Variants in CDH13 observed in about 807,000 individuals in gnomAD.
The protein encoded by CDH13 is cadherin-13.
In CDH13, 24 loss-of-function variants were observed where a neutral mutation model predicts 63.8. That is an observed-to-expected ratio of 0.38 (90% CI 0.27 to 0.53). The LOEUF is 0.53. CDH13 is among the 20% of genes least tolerant of loss of function. CDH13 has a pLI of 0.85. For synonymous variants in CDH13, 503 were observed against 355.3 expected, an observed-to-expected ratio of 1.42 and a Z score of -4.67; for missense variants, 1,049 against 903.1, an observed-to-expected ratio of 1.16 and a Z score of -2.07.
intron 6 of CDH13, among the ~76,000 whole-genome samples, chr16:83,416,377 A>C: frequency 6.6e-6 from 1 of 152,226 alleles, no homozygotes; most frequent in East Asian, 1.9e-4. Flanking sequence ...TTACAGAAAT[A>C]GGAAACTCAG....
At chr16:82,918,780 G>A (rs2042070417) in intron 2 of CDH13, among the ~76,000 whole-genome samples, 1 of 152,076 alleles carries the variant, frequency 6.6e-6, no homozygotes, top group Non-Finnish European at 1.5e-5. Flanking sequence ...ACAAAATGCT[G>A]CTATTATGGG....
chr16:83,402,570 G>T (rs2091984291), intron 6 of CDH13, among the ~76,000 whole-genome samples: 1 of 152,182 alleles, frequency 6.6e-6, no homozygotes, highest in African/African-American at 2.4e-5. Flanking sequence ...AGGATAGTCA[G>T]TTTGGCATGA....
intron 10 of CDH13, among the ~76,000 whole-genome samples, chr16:83,680,317 A>G (rs1156385324): frequency 2.0e-5 from 3 of 152,168 alleles, no homozygotes; most frequent in Admixed American, 6.5e-5. Context: ...CACCTTGGCT[A>G]GTGATCAACC....
intron 11 of CDH13, among the ~76,000 whole-genome samples, chr16:83,749,110 T>C (rs1912859788): frequency 6.6e-6 from 1 of 152,218 alleles, no homozygotes; most frequent in Non-Finnish European, 1.5e-5. Context: ...ATTGTGTCAA[T>C]CACACAAGAA....
intron 2 of CDH13, among the ~76,000 whole-genome samples, chr16:82,966,723 A>G (rs1328476383): frequency 6.6e-6 from 1 of 152,224 alleles, no homozygotes; most frequent in Non-Finnish European, 1.5e-5. Flanking sequence ...TTAACATATT[A>G]TCACATTTAC....
At chr16:83,303,746 C>T (rs1480266366) in intron 5 of CDH13, among the ~76,000 whole-genome samples, 2 of 152,170 alleles carry the variant, frequency 1.3e-5, no homozygotes, top group Non-Finnish European at 2.9e-5. Context: ...GCTACTGCTT[C>T]AGTTTAGCAT....
rs1444840759 is a variant in CDH13 at position 83,202,674 on chromosome 16, T to C, written c.484-14671T>C. 3.3e-5 allele frequency among the ~76,000 whole-genome samples: 5 copies of C among 152,202 alleles called. No individual in the cohort carries two copies. The South Asian group carries it at 8.3e-4, about 25-fold the overall frequency. ...ATAATAAGAGTAAGTGTTAAAACTCTCAGGGAAAGGGCAGTCAACGTGAAT... is the reference window on the plus strand; with the variant it reads ...ATAATAAGAGTAAGTGTTAAAACTCCCAGGGAAAGGGCAGTCAACGTGAAT... On this transcript the variant is annotated intron_variant, in intron 4 of 13. Coordinates refer to ENST00000567109, the MANE Select transcript of CDH13 (RefSeq NM_001257.5).
chr16:83,523,823 AC>A (rs1276068678), intron 7 of CDH13, among the ~76,000 whole-genome samples: 1 of 152,190 alleles, frequency 6.6e-6, no homozygotes, highest in African/African-American at 2.4e-5. Context: ...CCCATTTCAA[AC>A]ACTTCAGTCC....
chr16:83,529,365 A>G (rs2075033247), intron 7 of CDH13, among the ~76,000 whole-genome samples: 1 of 152,146 alleles, frequency 6.6e-6, no homozygotes, highest in Non-Finnish European at 1.5e-5. Flanking sequence ...AAACCTTAAT[A>G]TTTGAGTTTA....
intron 5 of CDH13, among the ~76,000 whole-genome samples, chr16:83,254,913 A>C (rs1471280480): frequency 7.8e-6 from 1 of 128,528 alleles, no homozygotes; most frequent in Non-Finnish European, 1.7e-5. Flanking sequence ...CTGTCTAAAA[A>C]CAAGAGACAA....
intron 10 of CDH13, among the ~76,000 whole-genome samples, chr16:83,714,491 G>A (rs72797282): frequency 0.1 from 15,805 of 152,190 alleles, 1,048 homozygotes; most frequent in Non-Finnish European, 0.15. Context: ...AACTGTTTCT[G>A]CCCCACAAAG....
intron 1 of CDH13, among the ~76,000 whole-genome samples, chr16:82,631,884 G>T (rs1339734152): frequency 6.6e-6 from 1 of 152,134 alleles, no homozygotes; most frequent in Non-Finnish European, 1.5e-5. Flanking sequence ...TGAACCTCGA[G>T]ACATCTGCTT....
intron 2 of CDH13, among the ~76,000 whole-genome samples, chr16:82,907,697 A>C (rs2041694865): frequency 6.6e-6 from 1 of 152,184 alleles, no homozygotes; most frequent in Non-Finnish European, 1.5e-5. Context: ...AGGTTCCCGG[A>C]ACAGCCACTT....
chr16:82,853,121 G>C (rs2039559750), intron 1 of CDH13, among the ~76,000 whole-genome samples: 1 of 152,184 alleles, frequency 6.6e-6, no homozygotes, highest in African/African-American at 2.4e-5. Context: ...ATGGAAGAGA[G>C]ATCTCTGAGC....
At chr16:83,445,994 T>G (rs1481920633) in intron 6 of CDH13, among the ~76,000 whole-genome samples, 1 of 152,048 alleles carries the variant, frequency 6.6e-6, no homozygotes, top group African/African-American at 2.4e-5. Flanking sequence ...ACTTTTTTAT[T>G]GGGTATAGAA....
intron 10 of CDH13, chr16:83,717,831 T>C (rs1008242073): frequency 1.3e-5 from 2 of 152,212 alleles, no homozygotes; most frequent in African/African-American, 4.8e-5. Context: ...AGGACACCTT[T>C]CCCTGGATTT....
At chr16:82,949,494 G>T (rs1028659851) in intron 2 of CDH13, among the ~76,000 whole-genome samples, 1 of 152,112 alleles carries the variant, frequency 6.6e-6, no homozygotes, top group Admixed American at 6.5e-5. Context: ...TTTCTTTTAG[G>T]GGGACACAAT....
chr16:83,578,035 C>T (rs1022721522), intron 7 of CDH13, among the ~76,000 whole-genome samples: 3 of 152,336 alleles, frequency 2.0e-5, no homozygotes, highest in Non-Finnish European at 4.4e-5. Context: ...TTTTCCATGT[C>T]ATTAAATATT....
chr16:83,709,988 AT>A (rs1907761449), intron 10 of CDH13, among the ~76,000 whole-genome samples: 1 of 152,178 alleles, frequency 6.6e-6, no homozygotes, highest in African/African-American at 2.4e-5. Flanking sequence ...AAAATGGCCT[AT>A]TTTTAGATGA....
Sources: gnomAD v4.1 joint callset for allele counts (sites outside exome capture counted in the v4.1 genomes callset) on GRCh38, gnomAD v4.1.1 for gene constraint, MANE v1.5 for transcripts, NCBI Gene and HGNC (gene_info 2026-07-23, HGNC 2026-07-21) for gene names.